ABCA8: variants seen among roughly 807,000 people sequenced by gnomAD.
ABCA8 encodes ATP binding cassette subfamily A member 8.
ABCA8 carries 177 observed loss-of-function variants against 192.3 expected under a neutral mutation model. That is an observed-to-expected ratio of 0.92 (90% CI 0.81 to 1.04). ABCA8 has a LOEUF of 1.04. Ranked by LOEUF, ABCA8 falls within the 50% of genes least tolerant of loss-of-function variation. The probability of loss-of-function intolerance (pLI) is 0.00; values close to 1 mark genes in which losing one functional copy is unlikely to be tolerated. For missense variants in ABCA8, 1,915 were observed against 1,904.8 expected, an observed-to-expected ratio of 1.01 and a Z score of -0.10; for synonymous variants, 642 against 690.2, an observed-to-expected ratio of 0.93 and a Z score of 1.09.
chr17:68,908,271 A>G (rs1350715529), intron 17 of ABCA8, among the ~76,000 whole-genome samples: 2 of 152,200 alleles, frequency 1.3e-5, no homozygotes, highest in Non-Finnish European at 2.9e-5. Context: ...TTCAGTTTTA[A>G]GCTGACTAAA....
chr17:68,944,837 C>T lies in ABCA8; in HGVS notation c.-5-2798G>A, dbSNP rs547182230. 4 of 152,300 alleles carry T rather than the reference C, an allele frequency of 2.6e-5. No individual in the cohort carries two copies. The East Asian group carries it at 5.8e-4, about 22-fold the overall frequency. 9.4% of individuals were successfully genotyped at this position (152,300 alleles called of 1,614,324 possible). ...ACAAGGACCCAGCACGGATACAAAG[C>T]AGAGACAGGCTCTCACCACGGCGGG... On this transcript the variant is annotated intron_variant, in intron 2 of 39. Transcript: ENST00000586539.
chr17:68,874,927 GATA>G (rs1272681850), intron 37 of ABCA8, among the ~76,000 whole-genome samples: 1 of 152,150 alleles, frequency 6.6e-6, no homozygotes, highest in Non-Finnish European at 1.5e-5. Flanking sequence ...ACTTCATAAA[GATA>G]ATAATCAATT....
chr17:68,877,744 A>T, intron 32 of ABCA8, 65 bp from the exon 33 acceptor site: 1 of 1,481,354 alleles, frequency 6.8e-7, no homozygotes, highest in African/African-American at 1.4e-5. Context: ...TTTCCATGAC[A>T]TCATTCTCTT....
At chr17:68,930,323 C>T (rs1363802852) in intron 7 of ABCA8, among the ~76,000 whole-genome samples, 1 of 152,170 alleles carries the variant, frequency 6.6e-6, no homozygotes, top group Non-Finnish European at 1.5e-5. Flanking sequence ...CTGTTGTCAT[C>T]TTTCTCTGGA....
At chr17:68,872,516 A>T (rs532942538) in intron 37 of ABCA8, among the ~76,000 whole-genome samples, 2 of 151,460 alleles carry the variant, frequency 1.3e-5, no homozygotes, top group Non-Finnish European at 2.9e-5. Flanking sequence ...AGCATGGCAC[A>T]TGTATACATA....
intron 32 of ABCA8, chr17:68,880,005 C>A (rs2066293275): frequency 1.3e-5 from 2 of 152,176 alleles, no homozygotes; most frequent in South Asian, 4.1e-4. Context: ...ACCCCACCTT[C>A]AAGCCACCTT....
At chr17:68,937,163 A>G (rs781058848) in intron 4 of ABCA8, 48 bp from the exon 5 acceptor site, 10 of 1,467,986 alleles carry the variant, frequency 6.8e-6, no homozygotes, top group South Asian at 1.3e-5. Flanking sequence ...ACTAGGAGAC[A>G]CAACTTCAGG....
chr17:68,946,898 G>A (rs1392473175), intron 2 of ABCA8, among the ~76,000 whole-genome samples: 2 of 152,054 alleles, frequency 1.3e-5, no homozygotes, highest in African/African-American at 2.4e-5. Flanking sequence ...CCAAGATGGC[G>A]CCACTGCACT....
At chr17:68,952,026 C>T (rs376320184) in intron 1 of ABCA8, among the ~76,000 whole-genome samples, 16 of 152,256 alleles carry the variant, frequency 1.1e-4, no homozygotes, top group East Asian at 9.6e-4. Flanking sequence ...TTCTTCACTT[C>T]TTCTCCTGTC....
At chr17:68,905,933 T>C (rs2143512086) in intron 19 of ABCA8, 111 bp downstream of exon 19, 2 of 1,021,984 alleles carry the variant, frequency 2.0e-6, no homozygotes, top group Non-Finnish European at 2.7e-6. Flanking sequence ...TACACAAGCT[T>C]GTCTAAGAAG....
At chr17:68,897,787 A>G (rs1417153638) in intron 21 of ABCA8, among the ~76,000 whole-genome samples, 1 of 152,192 alleles carries the variant, frequency 6.6e-6, no homozygotes, top group Non-Finnish European at 1.5e-5. Flanking sequence ...ACCTGAAGAT[A>G]TATTAAATGG....
At chr17:68,904,096 G>A (rs1315385931) in intron 19 of ABCA8, among the ~76,000 whole-genome samples, 4 of 151,834 alleles carry the variant, frequency 2.6e-5, no homozygotes, top group African/African-American at 9.7e-5. Context: ...GAAGATATAA[G>A]GATCTTAAGA....
At position 68,883,782 on chromosome 17, in the gene ABCA8, T is replaced by G; in HGVS notation, c.3707+9A>C. ...CAACAAAATAAAAATCTGATGTGTT[T>G]TTTCCAACCTAAAGAAAGGATCCTT... On this transcript the variant is annotated intron_variant, in intron 29 of 39. Coordinates refer to ENST00000586539, the MANE Select transcript of ABCA8 (RefSeq NM_001288985.2). 6.5e-7 allele frequency: 1 copy of G among 1,538,408 alleles called. No homozygotes were observed. Among genetic ancestry groups the G allele is most frequent in the East Asian group, 2.3e-5 (1 of 44,138 alleles).
intron 31 of ABCA8, 102 bp from the exon 32 acceptor site, chr17:68,881,313 G>T (rs2066329698): frequency 2.4e-6 from 2 of 840,754 alleles, no homozygotes; most frequent in Non-Finnish European, 3.8e-6. Context: ...GCTATTAGTT[G>T]TCATTTAATT....
intron 22 of ABCA8, 109 bp downstream of exon 22, chr17:68,894,771 G>T (rs1370238882): frequency 9.7e-6 from 12 of 1,241,468 alleles, no homozygotes; most frequent in East Asian, 2.4e-5. Flanking sequence ...AGTAATAAAT[G>T]AAAACAGTAT....
intron 19 of ABCA8, 120 bp from the exon 20 acceptor site, chr17:68,903,619 C>T: frequency 1.2e-6 from 1 of 811,780 alleles, no homozygotes; most frequent in East Asian, 2.6e-5. Context: ...CGTGGTTTTG[C>T]TGGTTACTGC....
chr17:68,935,263 T>TGC (rs1491470403), intron 5 of ABCA8, among the ~76,000 whole-genome samples: 1 of 2,328 alleles, frequency 4.3e-4, no homozygotes, highest in East Asian at 0.12. Flanking sequence ...CCTGGCTAAT[T>TGC]GTGTGTGTGT....
At chr17:68,953,942 C>T (rs1276466847) in intron 1 of ABCA8, among the ~76,000 whole-genome samples, 1 of 152,008 alleles carries the variant, frequency 6.6e-6, no homozygotes, top group African/African-American at 2.4e-5. Flanking sequence ...GATATTTTCA[C>T]AGTGAGCTAG....
rs143428358 is a variant in ABCA8, at chr17:68,876,498, C to T, written c.4332G>A (p.Pro1444=). The T allele has an allele frequency of 9.0e-5, 146 of 1,613,898 alleles. No individual in the cohort carries two copies. Among genetic ancestry groups the T allele is most frequent in the Admixed American group, 1.3e-4 (8 of 60,000 alleles). Residue 1444 remains proline (P), a synonymous_variant, in exon 35 of 40, where the codon CCG becomes CCA. Coordinates refer to ENST00000586539, the MANE Select transcript of ABCA8 (RefSeq NM_001288985.2). ...GNPSVVLLDE[P]STGMDPEGQQ... ...GCCCCTCGGGGTCCATCCCGGTCGA[C>T]GGCTCATCCAGAAGCACCACTGACG...
Sources: gnomAD v4.1 joint callset for allele counts (sites outside exome capture counted in the v4.1 genomes callset) on GRCh38, gnomAD v4.1.1 for gene constraint, MANE v1.5 for transcripts, NCBI Gene and HGNC (gene_info 2026-07-23, HGNC 2026-07-21) for gene names.